The following SMUG1 variants were observed in gnomAD, a reference collection of about 807,000 sequenced individuals.
SMUG1 encodes single-strand selective monofunctional uracil DNA glycosylase.
Under a neutral mutation model 23.9 loss-of-function variants are expected in SMUG1, and 13 were observed. The observed-to-expected ratio is 0.54, with a 90% CI of 0.35 to 0.86. The LOEUF (loss-of-function observed/expected upper bound fraction) is 0.86, where lower values mean the gene tolerates loss of function less well. SMUG1 is among the 40% of genes least tolerant of loss of function. The probability of loss-of-function intolerance (pLI) is 0.01; values close to 1 mark genes in which losing one functional copy is unlikely to be tolerated. For missense variants in SMUG1, 313 were observed against 339.5 expected (o/e 0.92, Z 0.61); for synonymous variants, 133 against 139.8 (o/e 0.95, Z 0.34).
chr12:54,185,492 ATAAATAAATAAATAAAT>A, intron 2 of SMUG1, among the ~76,000 whole-genome samples: 1 of 88,162 alleles, frequency 1.1e-5, no homozygotes, highest in East Asian at 3.2e-4. Context: ...TAAAAAATAA[ATAAATAAATAAATAAAT>A]AAATAAATAA....
At chr12:54,178,437 C>T (rs1940805928), downstream of SMUG1, among the ~76,000 whole-genome samples, 1 of 152,178 alleles carries the variant, frequency 6.6e-6, no homozygotes, top group African/African-American at 2.4e-5. Context: ...TCCTATCCCA[C>T]TATCTCATCA....
chr12:54,178,257 C>A (rs576486641), downstream of SMUG1, among the ~76,000 whole-genome samples: 18 of 152,078 alleles, frequency 1.2e-4, no homozygotes, highest in Non-Finnish European at 1.9e-4. Flanking sequence ...AATACAGTGT[C>A]CTTAGGGAAA....
rs370921169 is a variant in SMUG1, at chr12:54,181,667, C to T, written c.*429G>A. On this transcript the variant is annotated 3_prime_UTR_variant, in exon 4 of 4. Transcript: ENST00000682136. ...TGGTCCCTGTGAGGAAAGGGGTCAG[C>T]TAAAGGTAACTGTTCTATAAGGATG... 302 of 1,587,386 alleles carry T rather than the reference C, an allele frequency of 1.9e-4. No homozygotes were observed. Among genetic ancestry groups the T allele is most frequent in the Non-Finnish European group, 2.1e-4 (251 of 1,174,452 alleles).
Position 54,181,882 on chromosome 12 carries a change from G to A in SMUG1, c.*214C>T, listed in dbSNP as rs1043074210. The A allele has an allele frequency of 7.0e-6, 10 of 1,424,618 alleles. No individual in the cohort carries two copies. In the African/African-American group the frequency reaches 1.1e-4, roughly 16 times the overall value. The allele number at this position is 1,424,618 out of a possible 1,614,324, so 88.2% of individuals were successfully genotyped here. A position where few individuals can be genotyped will look rare whatever the true frequency, so the allele number is the denominator to read the frequency against. On this transcript the variant is annotated 3_prime_UTR_variant, in exon 4 of 4. Coordinates refer to ENST00000682136, the MANE Select transcript of SMUG1 (RefSeq NM_001243787.2). ...CCCCTGAAAGGGGCAATGTTAAAAG[G>A]TAAAGAAAGCAGGAATCAGGAGGGC...
At chr12:54,174,781 G>T (rs747211433) in intron 2 of SMUG1, among the ~76,000 whole-genome samples, 2 of 152,226 alleles carry the variant, frequency 1.3e-5, no homozygotes, top group Non-Finnish European at 2.9e-5. Context: ...GTCCTTGAAT[G>T]AGATGTAGGG....
At chr12:54,183,301 T>G (rs1941550668) in intron 3 of SMUG1, 1 of 417,582 alleles carries the variant, frequency 2.4e-6, no homozygotes, top group African/African-American at 2.0e-5. Context: ...TGTCAACCAG[T>G]CTCTTCTGAG....
intron 3 of SMUG1, among the ~76,000 whole-genome samples, chr12:54,166,793 G>T (rs1940477745): frequency 6.6e-6 from 1 of 152,176 alleles, no homozygotes; most frequent in Admixed American, 6.5e-5. Context: ...ACACAGGGAG[G>T]AAAGAGATGG....
At chr12:54,167,405 C>G (rs566582682) in intron 3 of SMUG1, among the ~76,000 whole-genome samples, 3 of 152,308 alleles carry the variant, frequency 2.0e-5, no homozygotes, top group African/African-American at 4.8e-5. Context: ...CCAGCTCCCC[C>G]ACAACCCAGG....
Position 54,183,702 on chromosome 12 carries a change from A to C in SMUG1, c.239T>G (p.Leu80Arg). 6.2e-7 allele frequency: 1 copy of C among 1,613,954 alleles called. No homozygotes were observed. Among genetic ancestry groups the C allele is most frequent in the South Asian group, 1.1e-5 (1 of 91,078 alleles). The change falls in exon 3 of 4, where the codon CTC becomes CGC. Residue 80 changes from leucine to arginine, a missense_variant. Leu to Arg is a moderately radical substitution (Grantham distance 102, BLOSUM62 -2). Coordinates refer to ENST00000682136, the MANE Select transcript of SMUG1 (RefSeq NM_001243787.2). ...TRYCQGPKEV[L>R]FLGMNPGPFG... ...AGGTCCAGGGTTCATGCCCAGGAAG[A>C]GTACTTCCTTGGGGCCCTGGCAGTA...
exon 4 of SMUG1, chr12:54,165,430 G>A (rs1327460146): frequency 1.3e-5 from 2 of 152,170 alleles, no homozygotes; most frequent in African/African-American, 4.8e-5. Flanking sequence ...CCAACATTTA[G>A]GGAGGCCAAG....
chr12:54,173,048 G>A (rs1940662505), intron 2 of SMUG1: 1 of 117,566 alleles, frequency 8.5e-6, no homozygotes, highest in Admixed American at 8.4e-5. Flanking sequence ...AAGGTGGAAG[G>A]ATGCAGAAGG....
intron 3 of SMUG1, 143 bp from the exon 4 acceptor site, chr12:54,182,766 G>A: frequency 7.0e-7 from 1 of 1,426,960 alleles, no homozygotes; most frequent in Non-Finnish European, 9.2e-7. Context: ...CTGAGACAAG[G>A]ATTCTTGGCC....
At chr12:54,182,702 T>C (rs1040313539) in intron 3 of SMUG1, 79 bp from the exon 4 acceptor site, 10 of 1,527,444 alleles carry the variant, frequency 6.5e-6, no homozygotes, top group Non-Finnish European at 8.8e-6. Context: ...GACTTCTTTA[T>C]ACCTTACATG....
chr12:54,176,230 A>G (rs1940745385), downstream of SMUG1, among the ~76,000 whole-genome samples: 1 of 151,996 alleles, frequency 6.6e-6, no homozygotes, highest in Non-Finnish European at 1.5e-5. Context: ...CCATCTAAAA[A>G]AAAAAAAGGC....
downstream of SMUG1, among the ~76,000 whole-genome samples, chr12:54,178,458 C>T (rs1940806494): frequency 6.6e-6 from 1 of 152,112 alleles, no homozygotes; most frequent in Non-Finnish European, 1.5e-5. Flanking sequence ...CCTAGAGACC[C>T]CAACTCTAGG....
At chr12:54,186,858 T>C (rs1942598405) in intron 2 of SMUG1, 1 of 152,294 alleles carries the variant, frequency 6.6e-6, no homozygotes, top group Non-Finnish European at 1.5e-5. Flanking sequence ...TGCTCAGCAA[T>C]GTCCATCTTC....
chr12:54,172,186 G>C, intron 2 of SMUG1: 1 of 428,226 alleles, frequency 2.3e-6, no homozygotes, highest in Non-Finnish European at 4.9e-6. Flanking sequence ...CTCGGAGTGT[G>C]AGTTTTACTG....
At chr12:54,186,600 A>G (rs1942541217) in intron 2 of SMUG1, among the ~76,000 whole-genome samples, 1 of 151,984 alleles carries the variant, frequency 6.6e-6, no homozygotes, top group Non-Finnish European at 1.5e-5. Context: ...TCAGCCTCCC[A>G]AAGTGCTGGG....
chr12:54,162,873 C>A (rs900712870), downstream of SMUG1: 13 of 152,192 alleles, frequency 8.5e-5, no homozygotes, highest in African/African-American at 2.9e-4. Flanking sequence ...TGATGCAGAG[C>A]TTGGTTATTT....
Sources: gnomAD v4.1 joint callset for allele counts (sites outside exome capture counted in the v4.1 genomes callset) on GRCh38, gnomAD v4.1.1 for gene constraint, MANE v1.5 for transcripts, NCBI Gene and HGNC (gene_info 2026-07-23, HGNC 2026-07-21) for gene names.